The following HIPK2 variants were observed in gnomAD, a reference collection of about 807,000 sequenced individuals.
HIPK2 encodes homeodomain interacting protein kinase 2, also known as homeodomain-interacting protein kinase 2.
A neutral mutation model predicts 113.7 loss-of-function variants in HIPK2; 27 were observed. The ratio of observed to expected loss-of-function variants is 0.24; its 90% CI spans 0.17 to 0.33. The LOEUF (loss-of-function observed/expected upper bound fraction) is 0.33, where lower values mean the gene tolerates loss of function less well. Ranked by LOEUF, HIPK2 falls within the 10% of genes least tolerant of loss-of-function variation. The probability of loss-of-function intolerance (pLI) is 1.00; values close to 1 mark genes in which losing one functional copy is unlikely to be tolerated. For missense variants in HIPK2, 1,257 were observed against 1,588.0 expected (o/e 0.79, Z 3.54); for synonymous variants, 631 against 642.2 (o/e 0.98, Z 0.26).
At chr7:139,598,569 C>T (rs115960743) in intron 11 of HIPK2, among the ~76,000 whole-genome samples, 1,642 of 152,318 alleles carry the variant, frequency 0.011, 21 homozygotes, top group African/African-American at 0.037. Flanking sequence ...TCTGGTCTTT[C>T]AGACTGTTTT....
intron 13 of HIPK2, among the ~76,000 whole-genome samples, chr7:139,582,275 G>A (rs192840312): frequency 2.6e-4 from 40 of 152,366 alleles, no homozygotes; most frequent in Admixed American, 1.1e-3. Context: ...CTAGCAGCAA[G>A]TACAGCCTGG....
At chr7:139,574,891 T>C (rs1798435026) in intron 14 of HIPK2, among the ~76,000 whole-genome samples, 2 of 152,152 alleles carry the variant, frequency 1.3e-5, no homozygotes, top group African/African-American at 4.8e-5. Flanking sequence ...CTTTGTAACA[T>C]TAGACAAGTC....
At chr7:139,652,310 T>C (rs1190271495) in intron 2 of HIPK2, among the ~76,000 whole-genome samples, 1 of 152,180 alleles carries the variant, frequency 6.6e-6, no homozygotes, top group Non-Finnish European at 1.5e-5. Context: ...AGTGGCTTTG[T>C]ATAAGACAGC....
chr7:139,615,316 G>A (rs964975875), intron 7 of HIPK2, among the ~76,000 whole-genome samples: 8 of 152,240 alleles, frequency 5.3e-5, no homozygotes, highest in African/African-American at 1.4e-4. Flanking sequence ...CTGGGGCTTT[G>A]TGTCTGCATC....
At chr7:139,635,299 C>T (rs985700822) in intron 2 of HIPK2, among the ~76,000 whole-genome samples, 18 of 152,182 alleles carry the variant, frequency 1.2e-4, no homozygotes, top group African/African-American at 3.9e-4. Context: ...TTAGGAAGGC[C>T]GGTCTGGCCC....
chr7:139,670,260 T>C (rs1282172346), intron 2 of HIPK2, among the ~76,000 whole-genome samples: 1 of 152,124 alleles, frequency 6.6e-6, no homozygotes, highest in Non-Finnish European at 1.5e-5. Context: ...ATTGAGATTC[T>C]GGACATTGCC....
chr7:139,635,752 A>G (rs1031227010), intron 2 of HIPK2, among the ~76,000 whole-genome samples: 2 of 152,222 alleles, frequency 1.3e-5, no homozygotes, highest in Admixed American at 1.3e-4. Flanking sequence ...ACTCGAGTCG[A>G]ATACAAAACG....
In HIPK2 at chr7:139,614,391, C is replaced by A. The variant is rs774261466; in HGVS notation, c.1885G>T (p.Ala629Ser). ...AGGGGCATGCTCCGCTGGGCCACTG[C>A]AGCCATGGATGCCGCTGAGGGCTGG... is the stretch of plus-strand genomic sequence containing the variant. Reference protein sequence around the residue: ...LYQPSAASMAAVAQRSMPLQT... With the variant: ...LYQPSAASMASVAQRSMPLQT... Residue 629 changes from alanine (A) to serine (S), a missense_variant, in exon 8 of 15, where the codon GCA becomes TCA. Transcript: ENST00000406875. The A allele has an allele frequency of 7.0e-6, 11 of 1,579,514 alleles. No homozygotes were observed. In the South Asian group the frequency reaches 1.1e-4, roughly 16 times the overall value.
chr7:139,596,036 C>T (rs1006565080), intron 12 of HIPK2, among the ~76,000 whole-genome samples: 1 of 152,164 alleles, frequency 6.6e-6, no homozygotes, highest in African/African-American at 2.4e-5. Context: ...GCCAACTGTT[C>T]TAGAGGGGTT....
At position 139,596,928 on chromosome 7, in the gene HIPK2, C is replaced by T. The variant is rs781367320; in HGVS notation, c.2506G>A (p.Glu836Lys). The T allele has an allele frequency of 6.2e-7, 1 of 1,612,862 alleles. No individual in the cohort carries two copies. Among genetic ancestry groups the T allele is most frequent in the Non-Finnish European group, 8.5e-7 (1 of 1,179,110 alleles). ...ATGGCACAGCGGGGAGGTGTGTTCTCCTTGACACGCTTGGATCGCTGTGGG... is the reference window on the plus strand; with the variant it reads ...ATGGCACAGCGGGGAGGTGTGTTCTTCTTGACACGCTTGGATCGCTGTGGG... ...SSPQRSKRVK[E>K]NTPPRCAMVH... Residue 836 changes from glutamate (E) to lysine (K), a missense_variant, in exon 12 of 15, where the codon GAG becomes AAG. Physicochemically the swap from Glu to Lys is moderately conservative, Grantham distance 56. Around this residue, in one of 5 missense-constraint regions of HIPK2, gnomAD observed 862 missense variants for 1,004.3 expected, o/e 0.86. Coordinates refer to ENST00000406875, the MANE Select transcript of HIPK2 (RefSeq NM_022740.5).
Position 139,596,711 on chromosome 7 carries a change from C to A in HIPK2, c.2717+6G>T, listed in dbSNP as rs141727948. The A allele has an allele frequency of 6.2e-7, 1 of 1,607,948 alleles. No homozygotes were observed. The highest frequency in any genetic ancestry group is 8.5e-7 in the Non-Finnish European group (1 of 1,174,732). The stretch of plus-strand genomic sequence containing the variant: ...TTCCTGGAAGGCTAAGGTGGCACTG[C>A]CTCACCTGGTGGGGGCGTGTTTCTG... On this transcript the variant is annotated splice_donor_region_variant and intron_variant, in intron 12 of 14. Transcript: ENST00000406875.
chr7:139,569,474 G>A lies in HIPK2; in HGVS notation c.*3453C>T, dbSNP rs1798195214. On this transcript the variant is annotated 3_prime_UTR_variant, in exon 15 of 15. Coordinates refer to ENST00000406875, the MANE Select transcript of HIPK2 (RefSeq NM_022740.5). ...TAGTTAACAGATTTCAGAAGCACAGGAGAGCTCTGAGGATGTGGGAGAGAA... is the reference window on the plus strand; with the variant it reads ...TAGTTAACAGATTTCAGAAGCACAGAAGAGCTCTGAGGATGTGGGAGAGAA... 6.6e-6 allele frequency: 1 copy of A among 152,174 alleles called. No homozygotes were observed. The highest frequency in any genetic ancestry group is 1.5e-5 in the Non-Finnish European group (1 of 68,038). 9.4% of individuals were successfully genotyped at this position (152,174 alleles called of 1,614,324 possible).
chr7:139,671,176 A>G (rs1802279119), intron 2 of HIPK2, among the ~76,000 whole-genome samples: 1 of 152,264 alleles, frequency 6.6e-6, no homozygotes, highest in African/African-American at 2.4e-5. Context: ...GATCTGCTAC[A>G]GAAAGAACAT....
At chr7:139,602,756 G>A (rs1038369536) in intron 10 of HIPK2, among the ~76,000 whole-genome samples, 1 of 152,150 alleles carries the variant, frequency 6.6e-6, no homozygotes, top group East Asian at 1.9e-4. Flanking sequence ...TTTATTTAAT[G>A]CCTGTCATGT....
At chr7:139,758,677 C>T (rs190569282) in intron 1 of HIPK2, among the ~76,000 whole-genome samples, 7 of 152,228 alleles carry the variant, frequency 4.6e-5, no homozygotes, top group Admixed American at 1.3e-4. Flanking sequence ...CCAGATTGTG[C>T]GCTCATTATG....
chr7:139,615,773 C>T lies in HIPK2; in HGVS notation c.1783-1280G>A, dbSNP rs375231115. On this transcript the variant is annotated intron_variant, in intron 7 of 14. Coordinates refer to ENST00000406875, the MANE Select transcript of HIPK2 (RefSeq NM_022740.5). ...CAAAGTCTTATTTTACATATGTTTT[C>T]TATACTTAGATTTTGTGCTAAATTT... is the stretch of plus-strand genomic sequence containing the variant. Among the ~76,000 whole-genome samples the T allele has an allele frequency of 3.4e-4, 52 of 152,292 alleles. 1 individual carries two copies. The South Asian group carries it at 9.9e-3, about 29-fold the overall frequency.
intron 2 of HIPK2, among the ~76,000 whole-genome samples, chr7:139,707,889 C>T (rs1278205621): frequency 6.6e-6 from 1 of 152,038 alleles, no homozygotes; most frequent in African/African-American, 2.4e-5. Flanking sequence ...CCTTTCTATT[C>T]CCACCCAGTC....
intron 6 of HIPK2, among the ~76,000 whole-genome samples, chr7:139,623,531 A>G (rs960742168): frequency 4.0e-5 from 6 of 148,342 alleles, no homozygotes; most frequent in Admixed American, 6.6e-5. Flanking sequence ...AAAAAAAAAA[A>G]AAAAAAAGAA....
rs532646312 is a variant in HIPK2, at chr7:139,715,913, T to TA, written c.1103+18_1103+19insT. 4.8e-4 allele frequency: 769 copies of TA among 1,603,460 alleles called. 6 individuals carry two copies. The African/African-American group carries it at 9.1e-3, about 19-fold the overall frequency. On this transcript the variant is annotated intron_variant, in intron 2 of 14. Coordinates refer to ENST00000406875, the MANE Select transcript of HIPK2 (RefSeq NM_022740.5). ...CACTGGGCATTCAGCAGCTCCTGTCTCCTTGTGGACGGTCTTACCTGTAAT... is the reference window on the plus strand; with the variant it reads ...CACTGGGCATTCAGCAGCTCCTGTCTACCTTGTGGACGGTCTTACCTGTAAT...
Sources: allele counts gnomAD v4.1 joint callset (sites outside exome capture counted in the v4.1 genomes callset), GRCh38; gene constraint gnomAD v4.1.1; regional missense constraint gnomAD v4.1.1; transcripts MANE v1.5; gene names NCBI Gene and HGNC (gene_info 2026-07-23, HGNC 2026-07-21).